The following MAP3K9 variants were observed in gnomAD, a reference collection of about 807,000 sequenced individuals.
The protein encoded by MAP3K9 is mixed lineage kinase 1 (tyr and ser/thr specificity).
In MAP3K9, 46 loss-of-function variants were observed where a neutral mutation model predicts 95.8. The ratio of observed to expected loss-of-function variants is 0.48; its 90% CI spans 0.38 to 0.61. The LOEUF is 0.61. MAP3K9 is among the 20% of genes least tolerant of loss of function. MAP3K9 has a pLI of 0.00. For synonymous variants in MAP3K9, 533 were observed against 593.8 expected (o/e 0.90, Z 1.49); for missense variants, 1,296 against 1,474.3 (o/e 0.88, Z 1.98).
chr14:70,767,518 G>A (rs1377082800), intron 2 of MAP3K9, among the ~76,000 whole-genome samples: 1 of 151,976 alleles, frequency 6.6e-6, no homozygotes, highest in African/African-American at 2.4e-5. Flanking sequence ...GGGGGTGGAG[G>A]GGCACTGGGA....
intron 6 of MAP3K9, among the ~76,000 whole-genome samples, chr14:70,741,907 A>T (rs1263174529): frequency 6.6e-6 from 1 of 152,210 alleles, no homozygotes; most frequent in Non-Finnish European, 1.5e-5. Flanking sequence ...AGATCTTGTC[A>T]TTGCACTCCA....
chr14:70,728,489 T>G lies in MAP3K9; in HGVS notation c.*1891A>C, dbSNP rs2053850818. On this transcript the variant is annotated 3_prime_UTR_variant, in exon 12 of 12. Transcript: ENST00000554752. ...GAAGAATCACTTGGTTGGCTGGAAC[T>G]GCTGGTAAGATTCACATTTTTTCCT... 1 of 152,226 alleles carries G rather than the reference T, an allele frequency of 6.6e-6. No homozygotes were observed. The highest frequency in any genetic ancestry group is 1.5e-5 in the Non-Finnish European group (1 of 68,062). The allele number at this position is 152,226 out of a possible 1,614,324, so 9.4% of individuals were successfully genotyped here.
chr14:70,799,591 G>C, intron 2 of MAP3K9, among the ~76,000 whole-genome samples: 1 of 152,102 alleles, frequency 6.6e-6, no homozygotes, highest in East Asian at 1.9e-4. Flanking sequence ...TGCCCGCCTT[G>C]GCCTCCCAAA....
chr14:70,790,334 G>A (rs578237712), intron 2 of MAP3K9, among the ~76,000 whole-genome samples: 12 of 152,326 alleles, frequency 7.9e-5, no homozygotes, highest in South Asian at 4.1e-4. Context: ...CAGACAAACC[G>A]TGTAGTCACT....
rs866895016 is a variant in MAP3K9 at position 70,726,804 on chromosome 14, A to G, written c.*3576T>C. The G allele has an allele frequency of 1.8e-4, 28 of 152,288 alleles. No individual in the cohort carries two copies. Among genetic ancestry groups the G allele is most frequent in the African/African-American group, 5.5e-4 (23 of 41,472 alleles). The allele number at this position is 152,288 out of a possible 1,614,324, so 9.4% of individuals were successfully genotyped here. A position where few individuals can be genotyped will look rare whatever the true frequency, so the allele number is the denominator to read the frequency against. ...CAGCGATTCATCCTGTATAGATGAA[A>G]GAAGCTTCCTCTAGGAGCTGGCAAG... On this transcript the variant is annotated 3_prime_UTR_variant, in exon 12 of 12. Coordinates refer to ENST00000554752, the MANE Select transcript of MAP3K9 (RefSeq NM_001284230.2).
intron 1 of MAP3K9, among the ~76,000 whole-genome samples, chr14:70,805,597 A>G (rs1305041572): frequency 6.6e-6 from 1 of 152,204 alleles, no homozygotes; most frequent in African/African-American, 2.4e-5. Context: ...CTTTGTCATA[A>G]TATTTAGTAA....
At chr14:70,742,893 C>T (rs1444855704) in intron 5 of MAP3K9, among the ~76,000 whole-genome samples, 3 of 116,186 alleles carry the variant, frequency 2.6e-5, no homozygotes, top group Non-Finnish European at 5.1e-5. Flanking sequence ...ATTAAAATTG[C>T]CTGTGATTTA....
chr14:70,737,762 C>A, intron 8 of MAP3K9, among the ~76,000 whole-genome samples: 1 of 152,180 alleles, frequency 6.6e-6, no homozygotes, highest in East Asian at 1.9e-4. Context: ...GAAGAAGAGC[C>A]AGGTATAAGC....
chr14:70,775,465 T>C (rs2054586018), intron 2 of MAP3K9, among the ~76,000 whole-genome samples: 1 of 152,220 alleles, frequency 6.6e-6, no homozygotes, highest in Non-Finnish European at 1.5e-5. Flanking sequence ...ATCTCTACAA[T>C]ACCAGTCTCT....
chr14:70,760,322 A>G (rs971934190), intron 3 of MAP3K9, among the ~76,000 whole-genome samples: 1 of 152,118 alleles, frequency 6.6e-6, no homozygotes, highest in Non-Finnish European at 1.5e-5. Flanking sequence ...ATCCTTCCTC[A>G]GCTGGGAAAA....
At chr14:70,757,259 C>T (rs1044515388) in intron 3 of MAP3K9, among the ~76,000 whole-genome samples, 6 of 151,970 alleles carry the variant, frequency 3.9e-5, no homozygotes, top group Non-Finnish European at 7.4e-5. Context: ...ACAGCTTGAG[C>T]TCAGGAGTTC....
At chr14:70,747,303 G>T (rs1384001418) in intron 5 of MAP3K9, among the ~76,000 whole-genome samples, 2 of 152,122 alleles carry the variant, frequency 1.3e-5, no homozygotes. Flanking sequence ...TCGTAATAGT[G>T]AGTTAGTTCT....
At chr14:70,756,238 T>C (rs2054297141) in intron 3 of MAP3K9, among the ~76,000 whole-genome samples, 2 of 152,144 alleles carry the variant, frequency 1.3e-5, no homozygotes, top group Admixed American at 1.3e-4. Flanking sequence ...GGTACGAAGG[T>C]ACTTGGATAC....
intron 3 of MAP3K9, among the ~76,000 whole-genome samples, chr14:70,757,931 G>T (rs2054318357): frequency 6.6e-6 from 1 of 152,126 alleles, no homozygotes; most frequent in Admixed American, 6.6e-5. Flanking sequence ...AAAAGTAAGA[G>T]CTAAGATTAT....
chr14:70,747,326 T>C (rs1465423745), intron 5 of MAP3K9, among the ~76,000 whole-genome samples: 1 of 152,214 alleles, frequency 6.6e-6, no homozygotes, highest in Admixed American at 6.5e-5. Context: ...CGAGATCTGA[T>C]GGTTTTACAA....
chr14:70,750,739 G>A (rs1313659256), intron 3 of MAP3K9, among the ~76,000 whole-genome samples: 2 of 152,024 alleles, frequency 1.3e-5, no homozygotes, highest in Non-Finnish European at 2.9e-5. Flanking sequence ...CTCCCGCCTC[G>A]GCCTCTCAAA....
intron 7 of MAP3K9, 97 bp from the exon 8 acceptor site, chr14:70,738,495 G>A (rs2054018112): frequency 8.9e-6 from 10 of 1,126,884 alleles, no homozygotes; most frequent in Non-Finnish European, 1.3e-5. Flanking sequence ...CACATTTGGA[G>A]CTGCAGGGAA....
In MAP3K9 at chr14:70,794,325, T is replaced by C. The variant is rs569803305; in HGVS notation, c.820+6342A>G. Among the ~76,000 whole-genome samples the C allele has an allele frequency of 9.2e-5, 14 of 152,336 alleles. No individual in the cohort carries two copies. The East Asian group carries it at 2.7e-3, about 29-fold the overall frequency. ...GCTATAAAGTTAAGAATGAGTTGGT[T>C]GAAACCCAAAGAAGGTACAGGCAGG... On this transcript the variant is annotated intron_variant, in intron 2 of 11. Coordinates refer to ENST00000554752, the MANE Select transcript of MAP3K9 (RefSeq NM_001284230.2).
chr14:70,779,559 T>C (rs2054646550), intron 2 of MAP3K9, among the ~76,000 whole-genome samples: 1 of 152,204 alleles, frequency 6.6e-6, no homozygotes, highest in Non-Finnish European at 1.5e-5. Context: ...CACAGGAATA[T>C]ACTAGCATTT....
Sources: allele counts gnomAD v4.1 joint callset (sites outside exome capture counted in the v4.1 genomes callset), GRCh38; gene constraint gnomAD v4.1.1; transcripts MANE v1.5; gene names NCBI Gene and HGNC (gene_info 2026-07-23, HGNC 2026-07-21).